The following PSD3 variants were observed in gnomAD, a reference collection of about 807,000 sequenced individuals.
PSD3 encodes pleckstrin and Sec7 domain containing 3.
A neutral mutation model predicts 105.5 loss-of-function variants in PSD3; 49 were observed. The observed-to-expected ratio is 0.46, with a 90% CI of 0.37 to 0.59. The LOEUF is 0.59. Ranked by LOEUF, PSD3 falls within the 20% of genes least tolerant of loss-of-function variation. The pLI is 0.00. For missense variants in PSD3, 1,561 were observed against 1,263.8 expected, an observed-to-expected ratio of 1.24 and a Z score of -3.57; for synonymous variants, 557 against 457.8, an observed-to-expected ratio of 1.22 and a Z score of -2.77.
intron 2 of PSD3, among the ~76,000 whole-genome samples, chr8:18,932,342 C>T (rs763360250): frequency 6.6e-6 from 1 of 152,168 alleles, no homozygotes; most frequent in Non-Finnish European, 1.5e-5. Flanking sequence ...TTTATGCCAG[C>T]CCACAGACAG....
At chr8:18,873,856 C>A (rs909891652) in intron 2 of PSD3, among the ~76,000 whole-genome samples, 3 of 152,148 alleles carry the variant, frequency 2.0e-5, no homozygotes, top group African/African-American at 4.8e-5. Flanking sequence ...TTACGAAGAA[C>A]CCCAATACAC....
intron 15 of PSD3, among the ~76,000 whole-genome samples, chr8:18,548,427 G>T (rs954370553): frequency 1.3e-5 from 2 of 152,204 alleles, no homozygotes; most frequent in Non-Finnish European, 2.9e-5. Flanking sequence ...AGAAGAAGCA[G>T]TTATCTTCAG....
intron 1 of PSD3, among the ~76,000 whole-genome samples, chr8:18,977,978 A>C (rs1563481193): frequency 6.6e-6 from 1 of 152,224 alleles, no homozygotes; most frequent in Non-Finnish European, 1.5e-5. Flanking sequence ...AGTGAACAAT[A>C]CATGATTTAC....
chr8:18,653,369 C>CAA (rs113328647), intron 10 of PSD3, among the ~76,000 whole-genome samples: 4,223 of 139,156 alleles, frequency 0.03, 186 homozygotes, highest in African/African-American at 0.097. Context: ...GAAAAAAAGA[C>CAA]AAAAAAAAAA....
chr8:18,769,284 A>C (rs1807286953), intron 8 of PSD3, among the ~76,000 whole-genome samples: 2 of 152,204 alleles, frequency 1.3e-5, no homozygotes, highest in South Asian at 2.1e-4. Context: ...TTAATCACCA[A>C]AACTATTTTT....
At chr8:18,644,171 T>C (rs1194248083) in intron 10 of PSD3, among the ~76,000 whole-genome samples, 1 of 152,242 alleles carries the variant, frequency 6.6e-6, no homozygotes, top group East Asian at 1.9e-4. Flanking sequence ...TCTTTGCAAA[T>C]GGTTGCTTGG....
At chr8:18,675,385 C>T (rs761144371) in intron 9 of PSD3, among the ~76,000 whole-genome samples, 2 of 152,112 alleles carry the variant, frequency 1.3e-5, no homozygotes, top group Non-Finnish European at 2.9e-5. Context: ...GAGATAGCTT[C>T]GTAATCTTAT....
rs572298512 is a variant in PSD3 at position 18,988,903 on chromosome 8, C to T, written c.21+24660G>A. Among the ~76,000 whole-genome samples the T allele has an allele frequency of 4.3e-4, 65 of 152,286 alleles. No homozygotes were observed. In the South Asian group the frequency reaches 0.013, roughly 30 times the overall value. Reference sequence around the variant, plus strand: ...GTGTGTTTGTCCGGGAATGTAAGCGCTTGCCATTTTGCCATGGGGGCTTCA... The same window carrying T: ...GTGTGTTTGTCCGGGAATGTAAGCGTTTGCCATTTTGCCATGGGGGCTTCA... On this transcript the variant is annotated intron_variant, in intron 1 of 15. Transcript: ENST00000327040.
At chr8:18,933,419 C>G (rs1293713803) in intron 2 of PSD3, among the ~76,000 whole-genome samples, 1 of 151,704 alleles carries the variant, frequency 6.6e-6, no homozygotes, top group South Asian at 2.1e-4. Context: ...AAAAAAATCA[C>G]AGTGTCACAT....
chr8:18,548,392 C>A (rs1360598644), intron 15 of PSD3, among the ~76,000 whole-genome samples: 1 of 152,076 alleles, frequency 6.6e-6, no homozygotes, highest in Non-Finnish European at 1.5e-5. Flanking sequence ...TGTTACTTAA[C>A]GTCTTGCACT....
chr8:18,912,923 G>C (rs1820330388), intron 2 of PSD3, among the ~76,000 whole-genome samples: 1 of 151,930 alleles, frequency 6.6e-6, no homozygotes, highest in African/African-American at 2.4e-5. Flanking sequence ...AAAGCCCCAA[G>C]TGGGCTGCTG....
chr8:18,704,310 G>A (rs1801762459), intron 9 of PSD3, among the ~76,000 whole-genome samples: 1 of 152,158 alleles, frequency 6.6e-6, no homozygotes, highest in African/African-American at 2.4e-5. Flanking sequence ...CTTACACAAT[G>A]GGGACCTTAA....
At chr8:18,895,480 T>A (rs1264621144) in intron 2 of PSD3, among the ~76,000 whole-genome samples, 1 of 152,236 alleles carries the variant, frequency 6.6e-6, no homozygotes, top group Non-Finnish European at 1.5e-5. Context: ...ATCTCTTGTC[T>A]ACAGTGCATA....
chr8:19,000,509 T>C (rs1296782717), intron 1 of PSD3: 2 of 78,704 alleles, frequency 2.5e-5, no homozygotes, highest in Admixed American at 1.7e-4. Context: ...CTTTATCTAC[T>C]TCTATCAGAA....
chr8:18,745,292 T>C (rs1028130062), intron 9 of PSD3, among the ~76,000 whole-genome samples: 3 of 152,240 alleles, frequency 2.0e-5, no homozygotes, highest in Admixed American at 1.3e-4. Context: ...TACTGCGATA[T>C]TTGCCATTTC....
intron 1 of PSD3, among the ~76,000 whole-genome samples, chr8:18,967,268 G>A (rs544317349): frequency 2.8e-4 from 43 of 151,566 alleles, no homozygotes; most frequent in South Asian, 2.7e-3. Flanking sequence ...TGATTCTCCC[G>A]CTTCTGCCTC....
rs542598187 is a variant in PSD3, at chr8:19,026,141, A to G, written c.324+58065T>C. Among the ~76,000 whole-genome samples the G allele has an allele frequency of 3.9e-5, 6 of 152,274 alleles. No individual in the cohort carries two copies. The East Asian group carries it at 9.7e-4, about 25-fold the overall frequency. On this transcript the variant is annotated intron_variant, in intron 1 of 1. Coordinates refer to the PSD3 transcript ENST00000521475. ...GGGAAAGACCTGCCCCCATGATTCA[A>G]TTGCCTCCTACTGGGTCCCTCCCAC...
Position 18,686,389 on chromosome 8 carries a change from C to T in PSD3, c.2173-30704G>A, listed in dbSNP as rs924181869. ...ACCAGGAACCACGCTGTGTCCCTCA[C>T]ACTATAGCTGTCTGCATTGCCCTGT... On this transcript the variant is annotated intron_variant, in intron 9 of 15. Coordinates refer to ENST00000327040, the MANE Select transcript of PSD3 (RefSeq NM_015310.4). 3.4e-4 allele frequency among the ~76,000 whole-genome samples: 51 copies of T among 152,234 alleles called. 1 individual carries two copies. The highest frequency in any genetic ancestry group is 2.9e-3 in the Admixed American group (44 of 15,282).
intron 9 of PSD3, among the ~76,000 whole-genome samples, chr8:18,709,365 C>A (rs186326888): frequency 6.6e-6 from 1 of 152,168 alleles, no homozygotes; most frequent in East Asian, 1.9e-4. Context: ...GAGCCCCTGA[C>A]GGGAGGGGCG....
Sources: gnomAD v4.1 joint callset for allele counts (sites outside exome capture counted in the v4.1 genomes callset) on GRCh38, gnomAD v4.1.1 for gene constraint, MANE v1.5 for transcripts, NCBI Gene and HGNC (gene_info 2026-07-23, HGNC 2026-07-21) for gene names.